SCMH1: variants seen among roughly 807,000 people sequenced by gnomAD.
The protein encoded by SCMH1 is Scm polycomb group protein homolog 1.
In SCMH1, 37 loss-of-function variants were observed where a neutral mutation model predicts 70.8. That is an observed-to-expected ratio of 0.52 (90% CI 0.40 to 0.69). SCMH1 has a LOEUF of 0.69. SCMH1 is among the 30% of genes least tolerant of loss of function. SCMH1 has a pLI of 0.00. For synonymous variants in SCMH1, 292 were observed against 307.4 expected, an observed-to-expected ratio of 0.95 and a Z score of 0.52; for missense variants, 607 against 827.3, an observed-to-expected ratio of 0.73 and a Z score of 3.27.
chr1:41,143,199 C>A, intron 5 of SCMH1, 87 bp from the exon 6 acceptor site: 1 of 872,758 alleles, frequency 1.1e-6, no homozygotes, highest in South Asian at 1.6e-5. Context: ...TATAGCTGGG[C>A]CAGGGACAAC....
At chr1:41,066,259 T>C (rs1045071833) in intron 10 of SCMH1, among the ~76,000 whole-genome samples, 1 of 152,132 alleles carries the variant, frequency 6.6e-6, no homozygotes, top group Non-Finnish European at 1.5e-5. Context: ...CAGCTCCCTA[T>C]GTCAGTTTCA....
chr1:41,211,107 C>A (rs1244388078), intron 1 of SCMH1, among the ~76,000 whole-genome samples: 1 of 152,092 alleles, frequency 6.6e-6, no homozygotes, highest in Non-Finnish European at 1.5e-5. Context: ...TGTGCCTGGC[C>A]AAAGACTTCA....
intron 4 of SCMH1, chr1:41,159,799 T>C: frequency 6.7e-7 from 1 of 1,484,308 alleles, no homozygotes; most frequent in Non-Finnish European, 8.9e-7. Context: ...GTCAGAAGAT[T>C]TGACTTTTAG....
chr1:41,134,528 G>A (rs986747034), intron 6 of SCMH1, among the ~76,000 whole-genome samples: 3 of 152,158 alleles, frequency 2.0e-5, no homozygotes, highest in African/African-American at 7.2e-5. Flanking sequence ...TGTATATTCA[G>A]AAAACCCCAT....
chr1:41,148,072 GT>G (rs1400091105), intron 5 of SCMH1, among the ~76,000 whole-genome samples: 3 of 152,034 alleles, frequency 2.0e-5, no homozygotes, highest in African/African-American at 7.2e-5. Context: ...CATTATTCTA[GT>G]GGTTGCATTA....
chr1:41,228,942 G>C (rs1660789322), intron 1 of SCMH1, among the ~76,000 whole-genome samples: 1 of 152,138 alleles, frequency 6.6e-6, no homozygotes, highest in Admixed American at 6.5e-5. Flanking sequence ...TGGCAGTTAA[G>C]ATTCATTCAT....
chr1:41,214,271 CTA>C (rs2148815208), intron 1 of SCMH1, among the ~76,000 whole-genome samples: 1 of 152,198 alleles, frequency 6.6e-6, no homozygotes, highest in East Asian at 1.9e-4. Flanking sequence ...GAAAGTGACT[CTA>C]TCTCTGCTTT....
chr1:41,137,602 C>T (rs183763563), intron 6 of SCMH1, among the ~76,000 whole-genome samples: 1 of 152,306 alleles, frequency 6.6e-6, no homozygotes, highest in East Asian at 1.9e-4. Context: ...GCATCCTTAC[C>T]CTCACCTTGG....
intron 3 of SCMH1, 82 bp from the exon 4 acceptor site, chr1:41,160,980 T>C (rs533268034): frequency 9.4e-5 from 124 of 1,321,512 alleles, no homozygotes; most frequent in Non-Finnish European, 1.3e-4. Flanking sequence ...TGGGGTAAAA[T>C]AGGAAATCGA....
At chr1:41,099,041 C>T in intron 8 of SCMH1, 1 of 249,294 alleles carries the variant, frequency 4.0e-6, no homozygotes, top group Non-Finnish European at 8.1e-6. Flanking sequence ...GGTCAACACC[C>T]TGATCAGGCC....
chr1:41,161,192 C>A (rs181815863), intron 3 of SCMH1, among the ~76,000 whole-genome samples, 172 bp downstream of exon 3: 29 of 152,304 alleles, frequency 1.9e-4, no homozygotes, highest in African/African-American at 7.0e-4. Context: ...TTTCCTATTT[C>A]CAGCTAAAAC....
intron 8 of SCMH1, among the ~76,000 whole-genome samples, chr1:41,076,985 G>C (rs1253382453): frequency 6.6e-6 from 1 of 152,184 alleles, no homozygotes. Context: ...GACGAGAGTA[G>C]AATTAGGGAG....
chr1:41,136,154 C>G (rs1643279686), intron 6 of SCMH1, among the ~76,000 whole-genome samples: 1 of 151,954 alleles, frequency 6.6e-6, no homozygotes, highest in Non-Finnish European at 1.5e-5. Context: ...CCATGCTGCC[C>G]AGGCTGGTCT....
In SCMH1 at chr1:41,048,900, A is replaced by G. The variant is rs750802911; in HGVS notation, c.1106-10T>C. On this transcript the variant is annotated splice_polypyrimidine_tract_variant and intron_variant, in intron 10 of 14. Transcript: ENST00000337495. ...TTCAAGTAGATACAAACTATGGGAG[A>G]CAAAGAATCAAAGAAGCTTCAAGAG... is the stretch of plus-strand genomic sequence containing the variant. 1.2e-6 allele frequency: 2 copies of G among 1,602,598 alleles called. No homozygotes were observed. Among genetic ancestry groups the G allele is most frequent in the African/African-American group, 2.7e-5 (2 of 74,186 alleles).
chr1:41,106,519 G>A (rs962462192), intron 8 of SCMH1, among the ~76,000 whole-genome samples: 1 of 151,682 alleles, frequency 6.6e-6, no homozygotes, highest in African/African-American at 2.4e-5. Context: ...CCCAGTCTTA[G>A]GTATTTCTTT....
intron 12 of SCMH1, among the ~76,000 whole-genome samples, chr1:41,039,451 A>G (rs956000702): frequency 6.6e-6 from 1 of 152,004 alleles, no homozygotes; most frequent in Non-Finnish European, 1.5e-5. Flanking sequence ...CTTTGGTAGG[A>G]CAGTGCCAGA....
chr1:41,105,899 G>A (rs190201746), intron 8 of SCMH1, among the ~76,000 whole-genome samples: 74 of 148,664 alleles, frequency 5.0e-4, no homozygotes, highest in Admixed American at 1.1e-3. Flanking sequence ...TTTTGAGACA[G>A]AGTCTTGCTC....
exon 14 of SCMH1, chr1:41,028,717 C>G: frequency 6.2e-7 from 1 of 1,614,044 alleles, no homozygotes; most frequent in Non-Finnish European, 8.5e-7. Context: ...CTCCAGGTAT[C>G]GGTCCGACCC....
intron 10 of SCMH1, among the ~76,000 whole-genome samples, chr1:41,055,194 T>G (rs528732237): frequency 5.7e-4 from 87 of 152,204 alleles, no homozygotes; most frequent in African/African-American, 1.9e-3. Flanking sequence ...TGCCCAACCT[T>G]ATATAGGCAG....
Sources: allele counts gnomAD v4.1 joint callset (sites outside exome capture counted in the v4.1 genomes callset), GRCh38; gene constraint gnomAD v4.1.1; transcripts MANE v1.5; gene names NCBI Gene and HGNC (gene_info 2026-07-23, HGNC 2026-07-21).